The following PLPPR1 variants were observed in gnomAD, a reference collection of about 807,000 sequenced individuals.
PLPPR1 encodes the protein phospholipid phosphatase-related protein type 1.
PLPPR1 carries 10 observed loss-of-function variants against 33.1 expected under a neutral mutation model. The ratio of observed to expected loss-of-function variants is 0.30; its 90% confidence interval spans 0.19 to 0.51. PLPPR1 has a LOEUF of 0.51. Among genes scored for constraint, PLPPR1 ranks in the 20% least tolerant of loss-of-function variants. The pLI is 0.97. For synonymous variants in PLPPR1, 151 were observed against 151.0 expected (o/e 1.00, Z 0.00); for missense variants, 304 against 408.1 (o/e 0.74, Z 2.20).
rs561504088 is a variant in PLPPR1 at position 101,156,490 on chromosome 9, G to T, written c.-45-28960G>T. On this transcript the variant is annotated intron_variant, in intron 1 of 7. Coordinates refer to ENST00000374874, the MANE Select transcript of PLPPR1 (RefSeq NM_207299.2). ...TGCTTGAGTCTGGGAGGCAGAAGTT[G>T]CAGTGAGCCAAGTTTGCACCATTGC... 5.5e-5 allele frequency among the ~76,000 whole-genome samples: 8 copies of T among 145,322 alleles called. 2 individuals carry two copies. The South Asian group carries it at 1.7e-3, about 31-fold the overall frequency.
Position 101,294,987 on chromosome 9 carries a change from A to G in PLPPR1, c.385+8751A>G, listed in dbSNP as rs1645900021. ...AGGAGAAGGAAATAAAGGGTATTCA[A>G]TTAGGAAAAGAGGAAGTCAAATTGT... On this transcript the variant is annotated intron_variant, in intron 4 of 7. Transcript: ENST00000374874. 2.0e-5 allele frequency among the ~76,000 whole-genome samples: 3 copies of G among 152,192 alleles called. No homozygotes were observed. In the South Asian group the frequency reaches 6.2e-4, roughly 32 times the overall value.
intron 1 of PLPPR1, among the ~76,000 whole-genome samples, chr9:101,078,111 A>G (rs1282500049): frequency 0.062 from 800 of 12,838 alleles, 156 homozygotes; most frequent in South Asian, 0.096. Context: ...GGAGAAGAAG[A>G]AGAAGAAGAA....
intron 2 of PLPPR1, among the ~76,000 whole-genome samples, chr9:101,194,052 T>G (rs778362048): frequency 2.6e-5 from 4 of 152,222 alleles, no homozygotes; most frequent in Non-Finnish European, 4.4e-5. Context: ...CAGGTAAATC[T>G]CAACTATCTG....
chr9:101,130,421 C>G (rs1831300652), intron 1 of PLPPR1, among the ~76,000 whole-genome samples: 1 of 152,098 alleles, frequency 6.6e-6, no homozygotes, highest in Non-Finnish European at 1.5e-5. Context: ...GTTTTCTCTT[C>G]CATAAAATGG....
intron 2 of PLPPR1, among the ~76,000 whole-genome samples, chr9:101,250,955 G>A (rs1171352951): frequency 6.6e-6 from 1 of 151,846 alleles, no homozygotes; most frequent in Non-Finnish European, 1.5e-5. Flanking sequence ...ACCTTTTTCA[G>A]TCTCATCTCC....
Position 101,127,347 on chromosome 9 carries a change from AAGAC to A in PLPPR1, c.-45-58100_-45-58097del, listed in dbSNP as rs539049655. On this transcript the variant is annotated intron_variant, in intron 1 of 7. Transcript: ENST00000374874. ...CCGGCGGAGTCTAAGGATTGAGAAA[AAGAC>A]AGTTTGAGAAGTAAAGTGGGACCAG... is the stretch of plus-strand genomic sequence containing the variant. Among the ~76,000 whole-genome samples, 661 of 152,314 alleles carry A rather than the reference AAGAC, an allele frequency of 4.3e-3. 2 individuals are homozygous for A. Among genetic ancestry groups the A allele is most frequent in the South Asian group, 0.013 (62 of 4,828 alleles).
chr9:101,323,805 C>T (rs963686317), intron 7 of PLPPR1, among the ~76,000 whole-genome samples: 2 of 151,944 alleles, frequency 1.3e-5, no homozygotes, highest in South Asian at 2.1e-4. Context: ...CACCATTGCA[C>T]TCCAGCCTGG....
intron 2 of PLPPR1, among the ~76,000 whole-genome samples, chr9:101,191,805 T>C (rs1357639476): frequency 1.3e-5 from 2 of 152,214 alleles, no homozygotes; most frequent in Non-Finnish European, 2.9e-5. Context: ...TTTGTGCTAA[T>C]AGCAACTCTA....
chr9:101,073,494 G>A (rs1245980840), intron 1 of PLPPR1, among the ~76,000 whole-genome samples: 4 of 140,094 alleles, frequency 2.9e-5, no homozygotes, highest in African/African-American at 1.1e-4. Flanking sequence ...AAAAAAAAAA[G>A]CTCAGACGTT....
intron 1 of PLPPR1, among the ~76,000 whole-genome samples, chr9:101,132,231 C>T (rs1831322034): frequency 6.6e-6 from 1 of 152,128 alleles, no homozygotes; most frequent in South Asian, 2.1e-4. Context: ...GAACATCCTC[C>T]TTCCACACTA....
At chr9:101,083,634 C>A (rs1830646243) in intron 1 of PLPPR1, among the ~76,000 whole-genome samples, 1 of 152,062 alleles carries the variant, frequency 6.6e-6, no homozygotes, top group Non-Finnish European at 1.5e-5. Flanking sequence ...TACATCTACA[C>A]CATAAAGCAG....
Position 101,252,072 on chromosome 9 carries a change from G to T in PLPPR1, c.64-17808G>T, listed in dbSNP as rs1320392768. The stretch of plus-strand genomic sequence containing the variant: ...TAGAAAAGGTTTAAACTTACACTTC[G>T]TTCATGGTATCACCCTGCTAATGCA... On this transcript the variant is annotated intron_variant, in intron 2 of 7. Coordinates refer to ENST00000374874, the MANE Select transcript of PLPPR1 (RefSeq NM_207299.2). 2.0e-5 allele frequency among the ~76,000 whole-genome samples: 3 copies of T among 151,976 alleles called. No homozygotes were observed. The East Asian group carries it at 5.8e-4, about 29-fold the overall frequency.
At chr9:101,242,348 A>C (rs1210394159) in intron 2 of PLPPR1, among the ~76,000 whole-genome samples, 1 of 151,774 alleles carries the variant, frequency 6.6e-6, no homozygotes, top group African/African-American at 2.4e-5. Flanking sequence ...ATTAGATTCA[A>C]CCTCTCAGTG....
intron 3 of PLPPR1, among the ~76,000 whole-genome samples, chr9:101,281,267 C>A (rs888029981): frequency 6.6e-6 from 1 of 151,762 alleles, no homozygotes; most frequent in Non-Finnish European, 1.5e-5. Flanking sequence ...AAATTGAGGA[C>A]ACAAAAAATT....
intron 1 of PLPPR1, among the ~76,000 whole-genome samples, chr9:101,138,595 C>T (rs1831407206): frequency 6.6e-6 from 1 of 152,140 alleles, no homozygotes; most frequent in Non-Finnish European, 1.5e-5. Context: ...CTCTTAGCTA[C>T]CAGAATTATT....
intron 2 of PLPPR1, among the ~76,000 whole-genome samples, chr9:101,233,116 G>C (rs1465251696): frequency 6.6e-6 from 1 of 151,968 alleles, no homozygotes; most frequent in African/African-American, 2.4e-5. Flanking sequence ...AGGACATTTA[G>C]ATTAAGCCCA....
chr9:101,189,874 C>T (rs533188503), intron 2 of PLPPR1, among the ~76,000 whole-genome samples: 9 of 151,894 alleles, frequency 5.9e-5, no homozygotes, highest in Admixed American at 4.6e-4. Flanking sequence ...TCAGATTGTC[C>T]TATTATCTGA....
At chr9:101,204,918 T>C (rs1264804642) in intron 2 of PLPPR1, among the ~76,000 whole-genome samples, 2 of 152,054 alleles carry the variant, frequency 1.3e-5, no homozygotes, top group African/African-American at 2.4e-5. Flanking sequence ...GGTTTGTGTA[T>C]ATGGTGTGGA....
chr9:101,029,039 G>A lies in PLPPR1; in HGVS notation c.-109G>A, dbSNP rs1255186865. 1.3e-5 allele frequency: 2 copies of A among 152,720 alleles called. No homozygotes were observed. The highest frequency in any genetic ancestry group is 2.9e-5 in the Non-Finnish European group (2 of 68,146). The allele number at this position is 152,720 out of a possible 1,614,324, so 9.5% of individuals were successfully genotyped here. On this transcript the variant is annotated 5_prime_UTR_variant, in exon 1 of 8. An upstream start codon of the reference 5' UTR is lost. Transcript: ENST00000374874. ...GCGTGTCTCGGACCGCCGCCTGAAT[G>A]TACCTCGCTCCCGGGAGCCGGACGG...
Sources: gnomAD v4.1 joint callset for allele counts (sites outside exome capture counted in the v4.1 genomes callset) on GRCh38, gnomAD v4.1.1 for gene constraint, MANE v1.5 for transcripts, NCBI Gene and HGNC (gene_info 2026-07-23, HGNC 2026-07-21) for gene names.